SLC26A5: variants seen among roughly 807,000 people sequenced by gnomAD.
SLC26A5 encodes solute carrier family 26 member 5.
SLC26A5 carries 51 observed loss-of-function variants against 81.0 expected under a neutral mutation model. The observed-to-expected ratio is 0.63, with a 90% confidence interval of 0.50 to 0.80. SLC26A5 has a LOEUF of 0.80. Ranked by LOEUF, SLC26A5 falls within the 30% of genes least tolerant of loss-of-function variation. The pLI is 0.00. For synonymous variants in SLC26A5, 325 were observed against 332.8 expected, an observed-to-expected ratio of 0.98 and a Z score of 0.25; for missense variants, 771 against 905.8, an observed-to-expected ratio of 0.85 and a Z score of 1.91.
Position 103,385,058 on chromosome 7 carries a change from T to G in SLC26A5, c.1514+3950A>C, listed in dbSNP as rs188027095. Among the ~76,000 whole-genome samples, 7 of 152,238 alleles carry G rather than the reference T, an allele frequency of 4.6e-5. No homozygotes were observed. The East Asian group carries it at 9.6e-4, about 21-fold the overall frequency. On this transcript the variant is annotated intron_variant, in intron 14 of 19. Coordinates refer to ENST00000306312, the MANE Select transcript of SLC26A5 (RefSeq NM_198999.3). ...TAAAATTTTATAATGCTAACCAAAT[T>G]GTGAGCTTTGGGGGGCAGAAGCTGA...
At chr7:103,358,051 G>C (rs1029823217) in intron 19 of SLC26A5, among the ~76,000 whole-genome samples, 1 of 152,104 alleles carries the variant, frequency 6.6e-6, no homozygotes, top group Admixed American at 6.5e-5. Flanking sequence ...CCTGTTGCTT[G>C]GTCTAATACA....
At chr7:103,427,494 A>T (rs1442299695) in intron 2 of SLC26A5, among the ~76,000 whole-genome samples, 1 of 152,202 alleles carries the variant, frequency 6.6e-6, no homozygotes, top group Non-Finnish European at 1.5e-5. Context: ...TTTGCAAAAC[A>T]CAAACCCTGT....
chr7:103,445,288 A>G (rs775078994), intron 1 of SLC26A5: 16 of 152,212 alleles, frequency 1.1e-4, no homozygotes, highest in Admixed American at 2.0e-4. Context: ...AACGTCCAGC[A>G]CGCCTTCCCG....
chr7:103,374,214 T>C lies in SLC26A5; in HGVS notation c.*185A>G. On this transcript the variant is annotated 3_prime_UTR_variant, in exon 20 of 20. Transcript: ENST00000306312. Reference sequence around the variant, plus strand: ...ATGCAGGCAACAGGCCAATTTATCTTTGAAGTATTCAATTAAAAAAACACA... The same window carrying C: ...ATGCAGGCAACAGGCCAATTTATCTCTGAAGTATTCAATTAAAAAAACACA... The C allele has an allele frequency of 7.1e-7, 1 of 1,400,402 alleles. No homozygotes were observed. The highest frequency in any genetic ancestry group is 9.2e-7 in the Non-Finnish European group (1 of 1,081,596). 86.7% of individuals were successfully genotyped at this position (1,400,402 alleles called of 1,614,324 possible). A position where few individuals can be genotyped will look rare whatever the true frequency, so the allele number is the denominator to read the frequency against.
At chr7:103,380,427 G>A in intron 15 of SLC26A5, 53 bp downstream of exon 15, 1 of 1,455,224 alleles carries the variant, frequency 6.9e-7, no homozygotes, top group South Asian at 1.1e-5. Context: ...ACAGTACTTA[G>A]CCAAGCACAT....
chr7:103,373,975 T>C (rs1563506326), downstream of SLC26A5, among the ~76,000 whole-genome samples: 1 of 152,236 alleles, frequency 6.6e-6, no homozygotes, highest in Non-Finnish European at 1.5e-5. Context: ...TTGCAGTTCC[T>C]GTCTTCTGTT....
chr7:103,411,225 C>T (rs985514318), intron 6 of SLC26A5, among the ~76,000 whole-genome samples, 195 bp downstream of exon 6: 24 of 152,162 alleles, frequency 1.6e-4, no homozygotes, highest in Non-Finnish European at 2.1e-4. Flanking sequence ...ATCTTTAAAA[C>T]ACCCACCTGA....
chr7:103,419,639 G>A (rs1348945541), intron 4 of SLC26A5, among the ~76,000 whole-genome samples: 1 of 151,902 alleles, frequency 6.6e-6, no homozygotes, highest in Non-Finnish European at 1.5e-5. Flanking sequence ...CCAGGTTCAA[G>A]TGATTATCCT....
At chr7:103,384,864 T>C (rs926553750) in intron 14 of SLC26A5, among the ~76,000 whole-genome samples, 12 of 152,320 alleles carry the variant, frequency 7.9e-5, no homozygotes, top group African/African-American at 2.6e-4. Context: ...ATTACTTCAT[T>C]GTCCTTATTA....
rs1190578018 is a variant in SLC26A5 at position 103,401,841 on chromosome 7, T to C, written c.889-3827A>G. On this transcript the variant is annotated intron_variant, in intron 8 of 19. Transcript: ENST00000306312. ...AGTGGTTTTTGTCATTGGTTCTGTT[T>C]ATGTGATGGACTATGTTTATTGATT... Among the ~76,000 whole-genome samples, 3 of 152,218 alleles carry C rather than the reference T, an allele frequency of 2.0e-5. No individual in the cohort carries two copies. The East Asian group carries it at 5.8e-4, about 29-fold the overall frequency.
chr7:103,353,037 C>T (rs1394776798), intron 19 of SLC26A5: 1 of 767,854 alleles, frequency 1.3e-6, no homozygotes, highest in Non-Finnish European at 2.4e-6. Flanking sequence ...TTGGGGATTA[C>T]AAATAAATTT....
Position 103,392,995 on chromosome 7 carries a change from A to G in SLC26A5, c.1043T>C (p.Ile348Thr), listed in dbSNP as rs1270460306. The G allele has an allele frequency of 6.2e-7, 1 of 1,613,994 alleles. No homozygotes were observed. Among genetic ancestry groups the G allele is most frequent in the Admixed American group, 1.7e-5 (1 of 60,020 alleles). Residue 348 changes from isoleucine to threonine, a missense_variant, in exon 10 of 20, where the codon ATC becomes ACC. By Grantham distance (89) the Ile-to-Thr change is moderately conservative (BLOSUM62 -1). Coordinates refer to ENST00000306312, the MANE Select transcript of SLC26A5 (RefSeq NM_198999.3). ...LVYVDAIAIA[I>T]VGFSVTISMA... ...GGAGATGGTCACTGAAAATCCAACG[A>G]TGGCTATGGCAATGGCATCTACGTA...
chr7:103,437,288 T>C (rs2116845940), intron 2 of SLC26A5, among the ~76,000 whole-genome samples: 1 of 152,314 alleles, frequency 6.6e-6, no homozygotes, highest in Admixed American at 6.5e-5. Flanking sequence ...ATAACAAGTG[T>C]TGGTGAGCAT....
At chr7:103,433,164 G>C (rs1445469573) in intron 2 of SLC26A5, among the ~76,000 whole-genome samples, 2 of 152,140 alleles carry the variant, frequency 1.3e-5, no homozygotes, top group African/African-American at 4.8e-5. Context: ...CTGTGGGCCT[G>C]AAGCCAAATT....
chr7:103,360,841 A>G (rs937553231), intron 19 of SLC26A5, among the ~76,000 whole-genome samples: 1 of 152,184 alleles, frequency 6.6e-6, no homozygotes, highest in Non-Finnish European at 1.5e-5. Context: ...GCCGGGTGCA[A>G]TGGCTCACGC....
intron 15 of SLC26A5, 25 bp downstream of exon 15, chr7:103,380,455 T>C: frequency 6.3e-7 from 1 of 1,597,414 alleles, no homozygotes; most frequent in Non-Finnish European, 8.6e-7. Context: ...TTACAACCTT[T>C]TTAAGTGATA....
chr7:103,444,823 G>A (rs1282846223), intron 1 of SLC26A5, among the ~76,000 whole-genome samples: 3 of 152,114 alleles, frequency 2.0e-5, no homozygotes, highest in Non-Finnish European at 2.9e-5. Context: ...TCTTTCTAAT[G>A]CAAATTAGTT....
At position 103,377,696 on chromosome 7, in the gene SLC26A5, T is replaced by A; in HGVS notation, c.1889A>T (p.Gln630Leu). The change falls in exon 18 of 20, where the codon CAA (glutamine) becomes CTA (leucine). Residue 630 changes from glutamine (Q) to leucine (L), a missense_variant. Gln to Leu is a moderately radical substitution (Grantham distance 113). Coordinates refer to ENST00000306312, the MANE Select transcript of SLC26A5 (RefSeq NM_198999.3). ...GTTATCCCCTGGGGGCATAAATCTTTGCATTTCCTCAGGAAATGTGCTTTT... is the reference window on the plus strand; with the variant it reads ...GTTATCCCCTGGGGGCATAAATCTTAGCATTTCCTCAGGAAATGTGCTTTT... ...VIKSTFPEEM[Q>L]RFMPPGDNVH... The A allele has an allele frequency of 6.2e-7, 1 of 1,614,124 alleles. No homozygotes were observed. Among genetic ancestry groups the A allele is most frequent in the Non-Finnish European group, 8.5e-7 (1 of 1,179,998 alleles).
chr7:103,389,523 C>T (rs761996018), intron 12 of SLC26A5, 99 bp from the exon 13 acceptor site: 384 of 851,972 alleles, frequency 4.5e-4, no homozygotes, highest in Middle Eastern at 4.9e-4. Flanking sequence ...CATGCCTTCT[C>T]CCTACTCACT....
Sources: allele counts gnomAD v4.1 joint callset (sites outside exome capture counted in the v4.1 genomes callset), GRCh38; gene constraint gnomAD v4.1.1; transcripts MANE v1.5; gene names NCBI Gene and HGNC (gene_info 2026-07-23, HGNC 2026-07-21).